CCDC85A: variants seen among roughly 807,000 people sequenced by gnomAD.
CCDC85A encodes coiled-coil domain containing 85A, also known as coiled-coil domain-containing protein 85A.
CCDC85A carries 38 observed loss-of-function variants against 50.2 expected under a neutral mutation model. The ratio of observed to expected loss-of-function variants is 0.76; its 90% CI spans 0.58 to 0.99. CCDC85A has a LOEUF of 0.99. Ranked by LOEUF, CCDC85A falls within the 50% of genes least tolerant of loss-of-function variation. CCDC85A has a pLI of 0.00. For missense variants in CCDC85A, 820 were observed against 742.0 expected (o/e 1.11, Z -1.22); for synonymous variants, 366 against 301.4 (o/e 1.21, Z -2.22).
intron 2 of CCDC85A, among the ~76,000 whole-genome samples, chr2:56,321,922 G>A (rs369668945): frequency 1.2e-3 from 184 of 152,160 alleles, no homozygotes; most frequent in South Asian, 1.9e-3. Context: ...CCAAAACAGC[G>A]TGGTACTGGT....
At chr2:56,218,974 G>A (rs1044131155) in intron 2 of CCDC85A, among the ~76,000 whole-genome samples, 48 of 151,654 alleles carry the variant, frequency 3.2e-4, no homozygotes, top group African/African-American at 1.1e-3. Context: ...TTACTTACGT[G>A]TTTAGTCTAT....
At chr2:56,231,695 G>T (rs1668781020) in intron 2 of CCDC85A, among the ~76,000 whole-genome samples, 1 of 151,968 alleles carries the variant, frequency 6.6e-6, no homozygotes, top group African/African-American at 2.4e-5. Flanking sequence ...TCTCTATAAT[G>T]TTATCAACCC....
Position 56,292,273 on chromosome 2 carries a change from C to T in CCDC85A, c.1241-50606C>T, listed in dbSNP as rs866945873. Among the ~76,000 whole-genome samples, 103 of 152,068 alleles carry T rather than the reference C, an allele frequency of 6.8e-4. 1 individual carries two copies. Among genetic ancestry groups the T allele is most frequent in the Middle Eastern group, 6.8e-3 (2 of 294 alleles). On this transcript the variant is annotated intron_variant, in intron 2 of 5. Coordinates refer to ENST00000407595, the MANE Select transcript of CCDC85A (RefSeq NM_001080433.2). ...AATTTTTTTGTATTTTTAGTAGAGACGGGGTTTCACCGTGTTAGCCAGGAT... is the reference window on the plus strand; with the variant it reads ...AATTTTTTTGTATTTTTAGTAGAGATGGGGTTTCACCGTGTTAGCCAGGAT...
chr2:56,198,130 T>C (rs1676600830), intron 2 of CCDC85A, among the ~76,000 whole-genome samples: 1 of 152,224 alleles, frequency 6.6e-6, no homozygotes, highest in Non-Finnish European at 1.5e-5. Context: ...GCCTTGTCTA[T>C]GAGGGGTCAG....
At chr2:56,226,957 A>C (rs896310778) in intron 2 of CCDC85A, among the ~76,000 whole-genome samples, 1 of 152,184 alleles carries the variant, frequency 6.6e-6, no homozygotes, top group Admixed American at 6.5e-5. Flanking sequence ...TAATTTCAAT[A>C]GGCAAATTTT....
intron 3 of CCDC85A, among the ~76,000 whole-genome samples, chr2:56,356,617 T>G (rs1675238919): frequency 6.7e-6 from 1 of 149,958 alleles, no homozygotes. Context: ...ACCTGTAATC[T>G]CAGCTACTGA....
intron 2 of CCDC85A, among the ~76,000 whole-genome samples, chr2:56,302,206 A>C (rs1002669092): frequency 6.6e-6 from 1 of 152,182 alleles, no homozygotes; most frequent in East Asian, 1.9e-4. Flanking sequence ...CAGTGAGCTG[A>C]GATCATGCCA....
intron 3 of CCDC85A, among the ~76,000 whole-genome samples, chr2:56,353,751 C>G (rs924761273): frequency 1.3e-5 from 2 of 152,192 alleles, no homozygotes; most frequent in Non-Finnish European, 2.9e-5. Context: ...CTAAGCTGTC[C>G]TTTAAATCCA....
intron 2 of CCDC85A, among the ~76,000 whole-genome samples, chr2:56,279,475 T>A (rs988063068): frequency 3.3e-5 from 5 of 152,138 alleles, no homozygotes; most frequent in African/African-American, 4.8e-5. Context: ...CAATCGCTTC[T>A]CTACTTTCTG....
At chr2:56,327,831 C>CA (rs70955016) in intron 2 of CCDC85A, among the ~76,000 whole-genome samples, 7,201 of 92,862 alleles carry the variant, frequency 0.078, 277 homozygotes, top group African/African-American at 0.1. Flanking sequence ...TAGAGTAAGG[C>CA]AAAAAAAAAA....
At chr2:56,226,727 T>G (rs1668558661) in intron 2 of CCDC85A, among the ~76,000 whole-genome samples, 1 of 152,060 alleles carries the variant, frequency 6.6e-6, no homozygotes, top group Admixed American at 6.6e-5. Context: ...CCAGCCCTCC[T>G]ACTCTTCCCA....
At chr2:56,351,791 A>C (rs533326220) in intron 3 of CCDC85A, among the ~76,000 whole-genome samples, 9 of 151,428 alleles carry the variant, frequency 5.9e-5, no homozygotes, top group African/African-American at 2.4e-5. Context: ...ATTTTCTCCC[A>C]TTTTGTAGGT....
intron 3 of CCDC85A, among the ~76,000 whole-genome samples, chr2:56,356,116 A>G (rs1444205604): frequency 3.3e-5 from 5 of 152,236 alleles, no homozygotes; most frequent in Non-Finnish European, 7.3e-5. Flanking sequence ...AAAAGATAAA[A>G]TGCACACTCA....
chr2:56,270,836 A>C (rs558912134), intron 2 of CCDC85A, among the ~76,000 whole-genome samples: 1 of 152,348 alleles, frequency 6.6e-6, no homozygotes, highest in African/African-American at 2.4e-5. Flanking sequence ...CAGTTTATGC[A>C]GTCCACCATG....
At chr2:56,269,222 C>T (rs753453520) in intron 2 of CCDC85A, among the ~76,000 whole-genome samples, 4 of 152,100 alleles carry the variant, frequency 2.6e-5, no homozygotes, top group Admixed American at 1.3e-4. Context: ...ACTTACCTTA[C>T]CTGGGACACA....
At chr2:56,262,909 T>C (rs1670279824) in intron 2 of CCDC85A, among the ~76,000 whole-genome samples, 1 of 152,234 alleles carries the variant, frequency 6.6e-6, no homozygotes, top group South Asian at 2.1e-4. Flanking sequence ...CTCCATTAGT[T>C]TGGCAAAATA....
chr2:56,301,933 G>T (rs1672223863), intron 2 of CCDC85A, among the ~76,000 whole-genome samples: 2 of 152,134 alleles, frequency 1.3e-5, no homozygotes, highest in South Asian at 4.1e-4. Context: ...TTCTGCACAT[G>T]TATTTCAGAA....
At chr2:56,278,370 G>C (rs537684245) in intron 2 of CCDC85A, among the ~76,000 whole-genome samples, 1 of 151,826 alleles carries the variant, frequency 6.6e-6, no homozygotes, top group African/African-American at 2.4e-5. Flanking sequence ...GTGTTGAATT[G>C]CTTTTTGATG....
chr2:56,220,028 C>A (rs905290542), intron 2 of CCDC85A, among the ~76,000 whole-genome samples: 1 of 151,964 alleles, frequency 6.6e-6, no homozygotes, highest in Non-Finnish European at 1.5e-5. Flanking sequence ...ACTAAGGTGA[C>A]AACTGAGTTA....
Sources: gnomAD v4.1 joint callset for allele counts (sites outside exome capture counted in the v4.1 genomes callset) on GRCh38, gnomAD v4.1.1 for gene constraint, MANE v1.5 for transcripts, NCBI Gene and HGNC (gene_info 2026-07-23, HGNC 2026-07-21) for gene names.